The following PRUNE2 variants were observed in gnomAD, a reference collection of about 807,000 sequenced individuals.
PRUNE2 encodes protein prune homolog 2.
PRUNE2 carries 164 observed loss-of-function variants against 252.0 expected under a neutral mutation model. The observed-to-expected ratio is 0.65, with a 90% CI of 0.57 to 0.74. The LOEUF (loss-of-function observed/expected upper bound fraction) is 0.74. Among genes scored for constraint, PRUNE2 ranks in the 30% least tolerant of loss-of-function variants. The probability of loss-of-function intolerance (pLI) is 0.00; values close to 1 mark genes in which losing one functional copy is unlikely to be tolerated. For synonymous variants in PRUNE2, 1,292 were observed against 1,350.2 expected (o/e 0.96, Z 0.94); for missense variants, 3,495 against 3,711.0 (o/e 0.94, Z 1.51).
intron 4 of PRUNE2, among the ~76,000 whole-genome samples, chr9:76,827,759 C>T (rs1290352353): frequency 2.0e-5 from 3 of 152,184 alleles, no homozygotes; most frequent in Non-Finnish European, 4.4e-5. Context: ...CTACATTTAC[C>T]ATCAAACATG....
At chr9:76,747,187 G>A (rs975670201) in intron 6 of PRUNE2, among the ~76,000 whole-genome samples, 14 of 152,256 alleles carry the variant, frequency 9.2e-5, no homozygotes, top group South Asian at 6.2e-4. Context: ...GGGAAATACC[G>A]CCACGCATCT....
In PRUNE2 at chr9:76,757,599, C is replaced by T. The variant is rs149249741; in HGVS notation, c.757-43878G>A. Among the ~76,000 whole-genome samples, 327 of 152,056 alleles carry T rather than the reference C, an allele frequency of 2.2e-3. 2 individuals carry two copies. Among genetic ancestry groups the T allele is most frequent in the African/African-American group, 7.1e-3 (293 of 41,470 alleles). ...TGAAGGGCTCAACTGGTAATAATTG[C>T]GATAATAACTGAAGTGAGGAAGAAT... On this transcript the variant is annotated intron_variant, in intron 6 of 18. Coordinates refer to ENST00000376718, the MANE Select transcript of PRUNE2 (RefSeq NM_015225.3).
chr9:76,855,711 G>A (rs1043651475), intron 1 of PRUNE2, among the ~76,000 whole-genome samples: 3 of 151,880 alleles, frequency 2.0e-5, no homozygotes, highest in African/African-American at 7.3e-5. Flanking sequence ...TTTCAAAATT[G>A]AGATATTGAT....
rs2051169945 is a variant in PRUNE2 at position 76,756,559 on chromosome 9, C to T, written c.757-42838G>A. Among the ~76,000 whole-genome samples the T allele has an allele frequency of 2.6e-5, 4 of 152,168 alleles. No homozygotes were observed. In the South Asian group the frequency reaches 8.3e-4, roughly 32 times the overall value. On this transcript the variant is annotated intron_variant, in intron 6 of 18. Transcript: ENST00000376718. Reference sequence around the variant, plus strand: ...CATCAGAACAGCTGCATTCTCTTTGCCAACACATGTGTTTTTCAAAATCTC... The same window carrying T: ...CATCAGAACAGCTGCATTCTCTTTGTCAACACATGTGTTTTTCAAAATCTC...
chr9:76,637,117 T>C (rs1840516787), intron 14 of PRUNE2, among the ~76,000 whole-genome samples: 1 of 152,200 alleles, frequency 6.6e-6, no homozygotes, highest in South Asian at 2.1e-4. Context: ...GAAACTTGTA[T>C]GATTCAAACG....
intron 6 of PRUNE2, among the ~76,000 whole-genome samples, chr9:76,726,432 C>A (rs993028649): frequency 6.6e-6 from 1 of 152,230 alleles, no homozygotes; most frequent in Non-Finnish European, 1.5e-5. Context: ...CATGCACACT[C>A]ATCAGATACT....
intron 1 of PRUNE2, among the ~76,000 whole-genome samples, chr9:76,866,212 T>G (rs1281997093): frequency 1.3e-5 from 2 of 152,234 alleles, no homozygotes; most frequent in African/African-American, 4.8e-5. Context: ...TCTAATTAGC[T>G]ACCAGGTGTT....
intron 9 of PRUNE2, among the ~76,000 whole-genome samples, chr9:76,679,940 C>T (rs751599410): frequency 5.3e-5 from 8 of 152,092 alleles, no homozygotes; most frequent in African/African-American, 9.7e-5. Flanking sequence ...AACTTCATGA[C>T]ATTGGATTTG....
chr9:76,889,987 G>T (rs2062367971), intron 1 of PRUNE2, among the ~76,000 whole-genome samples: 1 of 152,198 alleles, frequency 6.6e-6, no homozygotes, highest in Non-Finnish European at 1.5e-5. Flanking sequence ...ACTCCAATAG[G>T]CATTAAAGTT....
At chr9:76,796,951 C>T (rs919151474) in intron 6 of PRUNE2, among the ~76,000 whole-genome samples, 3 of 152,130 alleles carry the variant, frequency 2.0e-5, no homozygotes, top group East Asian at 1.9e-4. Flanking sequence ...TTAATCTAGA[C>T]GCTGTTGGCT....
chr9:76,748,600 G>T (rs2050342958), intron 6 of PRUNE2: 1 of 152,170 alleles, frequency 6.6e-6, no homozygotes, highest in African/African-American at 2.4e-5. Context: ...AAAACCATTG[G>T]ACTGTATAAT....
At position 76,614,514 on chromosome 9, in the gene PRUNE2, T is replaced by A. The variant is rs1374814579; in HGVS notation, c.*56A>T. 6.3e-6 allele frequency: 9 copies of A among 1,439,454 alleles called. No individual in the cohort carries two copies. The African/African-American group carries it at 9.8e-5, about 16-fold the overall frequency. The allele number at this position is 1,439,454 out of a possible 1,614,324, so 89.2% of individuals were successfully genotyped here. ...ATCAGCCCTGTCTCTTTCAGGTAGA[T>A]ATGTTTCAACAGAACCATGAACCAG... On this transcript the variant is annotated 3_prime_UTR_variant, in exon 19 of 19. Transcript: ENST00000376718.
At chr9:76,739,313 T>C (rs917736439) in intron 6 of PRUNE2, 1 of 152,280 alleles carries the variant, frequency 6.6e-6, no homozygotes, top group Admixed American at 6.5e-5. Context: ...AGTAGTGATG[T>C]GGCTCGATGT....
intron 6 of PRUNE2, among the ~76,000 whole-genome samples, chr9:76,775,268 G>T (rs1321004778): frequency 6.6e-6 from 1 of 152,130 alleles, no homozygotes; most frequent in African/African-American, 2.4e-5. Context: ...ATGACAAAGA[G>T]GAACAATATT....
rs564244450 is a variant in PRUNE2 at position 76,706,627 on chromosome 9, A to G, written c.5647T>C (p.Tyr1883His). The change falls in exon 8 of 19, where the codon TAT becomes CAT. Residue 1883 changes from tyrosine (Y) to histidine (H), a missense_variant. By Grantham distance (83) the Tyr-to-His change is moderately conservative. Coordinates refer to ENST00000376718, the MANE Select transcript of PRUNE2 (RefSeq NM_015225.3). ...TGGTTGTCACTAAAAGGATTAGTAT[A>G]GTGTGTTTCCACGGGCTCAATATCA... ...QGDIEPVETH[Y>H]TNPFSDNHQS... is the part of the protein sequence containing the mutation. 37 of 1,613,970 alleles carry G rather than the reference A, an allele frequency of 2.3e-5. 1 individual carries two copies. The South Asian group carries it at 3.7e-4, about 16-fold the overall frequency.
intron 6 of PRUNE2, among the ~76,000 whole-genome samples, chr9:76,810,945 T>C (rs1159429507): frequency 2.0e-5 from 3 of 152,202 alleles, no homozygotes; most frequent in Admixed American, 2.0e-4. Context: ...TAATTAACCA[T>C]TAAAATATTG....
chr9:76,905,377 T>C (rs1394249187), intron 1 of PRUNE2, among the ~76,000 whole-genome samples: 1 of 152,166 alleles, frequency 6.6e-6, no homozygotes, highest in Non-Finnish European at 1.5e-5. Flanking sequence ...TTTACAGATG[T>C]GAACAGGAAT....
At chr9:76,743,629 G>A (rs1247064160) in intron 6 of PRUNE2, among the ~76,000 whole-genome samples, 2 of 152,188 alleles carry the variant, frequency 1.3e-5, no homozygotes, top group East Asian at 3.8e-4. Context: ...AATATTAAAA[G>A]ATTGATATAA....
Position 76,612,421 on chromosome 9 carries a change from C to T in PRUNE2, c.*2149G>A, listed in dbSNP as rs114653926. The T allele has an allele frequency of 6.6e-6, 1 of 152,180 alleles. No individual in the cohort carries two copies. The highest frequency in any genetic ancestry group is 1.5e-5 in the Non-Finnish European group (1 of 68,042). The allele number at this position is 152,180 out of a possible 1,614,324, so 9.4% of individuals were successfully genotyped here. A position where few individuals can be genotyped will look rare whatever the true frequency, so the allele number is the denominator to read the frequency against. On this transcript the variant is annotated 3_prime_UTR_variant, in exon 19 of 19. Transcript: ENST00000376718. Reference sequence around the variant, plus strand: ...CTGAACACTGGATTTTTCATTACTTCCTGTGACAGGGTGACCATGGAATTC... The same window carrying T: ...CTGAACACTGGATTTTTCATTACTTTCTGTGACAGGGTGACCATGGAATTC...
Sources: allele counts gnomAD v4.1 joint callset (sites outside exome capture counted in the v4.1 genomes callset), GRCh38; gene constraint gnomAD v4.1.1; transcripts MANE v1.5; gene names NCBI Gene and HGNC (gene_info 2026-07-23, HGNC 2026-07-21).